SRPX: variants seen among roughly 807,000 people sequenced by gnomAD.
SRPX encodes the protein sushi repeat-containing protein SRPX.
In SRPX, 24 loss-of-function variants were observed where a neutral mutation model predicts 38.1. The observed-to-expected ratio is 0.63, with a 90% CI of 0.46 to 0.89. The LOEUF is 0.89. Among genes scored for constraint, SRPX ranks in the 40% least tolerant of loss-of-function variants. SRPX has a pLI of 0.00. For missense variants in SRPX, 416 were observed against 377.8 expected (o/e 1.10, Z -0.84); for synonymous variants, 184 against 153.8 (o/e 1.20, Z -1.45).
At chrX:38,180,871 C>T (rs988557860) in intron 1 of SRPX, among the ~76,000 whole-genome samples, 1 of 111,513 alleles carries the variant, frequency 9.0e-6, no homozygotes, top group African/African-American at 3.3e-5. Flanking sequence ...GAAGCATAAC[C>T]CCCAAAATGC....
chrX:38,220,585 C>T, intron 1 of SRPX, 111 bp downstream of exon 1: 1 of 1,069,992 alleles, frequency 9.3e-7, no homozygotes, highest in Non-Finnish European at 1.2e-6. Flanking sequence ...GAGTTCTGCG[C>T]AAACAAAGGG....
At chrX:38,188,184 A>G (rs958089718) in intron 1 of SRPX, among the ~76,000 whole-genome samples, 8 of 112,153 alleles carry the variant, frequency 7.1e-5, no homozygotes, top group African/African-American at 2.6e-4. Context: ...CAAATGGAAC[A>G]AAGGGATCCA....
chrX:38,155,047 A>G (rs1475283252), intron 8 of SRPX, among the ~76,000 whole-genome samples: 1 of 110,998 alleles, frequency 9.0e-6, no homozygotes, highest in Non-Finnish European at 1.9e-5. Flanking sequence ...CAAGCCTCTA[A>G]GCTGGCTCTT....
rs1199673277 is a variant in SRPX at position 38,149,504 on chromosome X, A to G, written c.*207T>C. On this transcript the variant is annotated 3_prime_UTR_variant, in exon 10 of 10. Transcript: ENST00000378533. The stretch of plus-strand genomic sequence containing the variant: ...CATGATGGAGTAAAGAAAGTTAGAA[A>G]GAGTAAATATGGTCATATAATTTTT... 2.8e-6 allele frequency: 1 copy of G among 359,287 alleles called. No individual in the cohort carries two copies. Among genetic ancestry groups the G allele is most frequent in the Non-Finnish European group, 4.7e-6 (1 of 214,804 alleles). The allele number at this position is 359,287 out of a possible 1,213,427, so 29.6% of individuals were successfully genotyped here. A position where few individuals can be genotyped will look rare whatever the true frequency, so the allele number is the denominator to read the frequency against.
At chrX:38,194,500 A>G (rs371522472) in intron 1 of SRPX, among the ~76,000 whole-genome samples, 99 of 112,366 alleles carry the variant, frequency 8.8e-4, no homozygotes, top group South Asian at 6.3e-3. Flanking sequence ...ATATGTATGC[A>G]TATTATCCAG....
intron 1 of SRPX, among the ~76,000 whole-genome samples, chrX:38,210,526 C>T (rs773267231): frequency 8.9e-6 from 1 of 112,119 alleles, no homozygotes; most frequent in African/African-American, 3.2e-5. Context: ...ATACCAAGAT[C>T]CTGGCAGGGC....
Position 38,154,474 on chromosome X carries a change from G to C in SRPX, c.1199C>G (p.Ala400Gly). ...AACTTCCCCCTACCTGAGCTGCAGC[G>C]CTAGGGCTGGAGGCATAATCTTTGC... ...IGAKIMPPAL[A>G]LQLRLLLRIP... is the part of the protein sequence containing the mutation. The change falls in exon 9 of 10, where the codon GCG becomes GGG. Residue 400 changes from alanine to glycine, a missense_variant. Physicochemically the swap from Ala to Gly is moderately conservative, Grantham distance 60. Coordinates refer to ENST00000378533, the MANE Select transcript of SRPX (RefSeq NM_006307.5). The C allele has an allele frequency of 8.3e-7, 1 of 1,204,323 alleles. No homozygotes were observed.
At chrX:38,149,943 A>G (rs1263318204) in intron 9 of SRPX, 49 bp from the exon 10 acceptor site, 1 of 1,088,151 alleles carries the variant, frequency 9.2e-7, no homozygotes, top group East Asian at 3.2e-5. Flanking sequence ...ATGACTCCCA[A>G]GGGTCCTGGT....
intron 1 of SRPX, among the ~76,000 whole-genome samples, chrX:38,180,534 A>G (rs1750317991): frequency 8.9e-6 from 1 of 112,180 alleles, no homozygotes; most frequent in African/African-American, 3.2e-5. Flanking sequence ...CCAAGCTAGA[A>G]TCTTCAACTG....
chrX:38,188,761 A>T (rs186191537), intron 1 of SRPX, among the ~76,000 whole-genome samples: 1,338 of 111,911 alleles, frequency 0.012, 30 homozygotes, highest in African/African-American at 0.042. Context: ...CATTATTATT[A>T]ATAGCATTCT....
At chrX:38,150,146 G>A (rs1329799519) in intron 9 of SRPX, among the ~76,000 whole-genome samples, 1 of 112,222 alleles carries the variant, frequency 8.9e-6, no homozygotes, top group African/African-American at 3.2e-5. Flanking sequence ...TTACTATCAA[G>A]ATCCCCAGAT....
At chrX:38,219,069 G>A (rs960894612) in intron 1 of SRPX, among the ~76,000 whole-genome samples, 1 of 111,139 alleles carries the variant, frequency 9.0e-6, no homozygotes, top group Admixed American at 9.6e-5. Flanking sequence ...CCAGGGATAG[G>A]TCCCAAAAGA....
At chrX:38,184,685 G>A (rs766353731) in intron 1 of SRPX, among the ~76,000 whole-genome samples, 2 of 112,217 alleles carry the variant, frequency 1.8e-5, no homozygotes, top group East Asian at 5.6e-4. Context: ...TGGTCTTACA[G>A]CATTCTTTAT....
chrX:38,155,212 A>G (rs1938112351), intron 8 of SRPX, among the ~76,000 whole-genome samples: 1 of 112,440 alleles, frequency 8.9e-6, no homozygotes, highest in African/African-American at 3.2e-5. Context: ...CGAAAACATC[A>G]AATATGTTTT....
intron 1 of SRPX, among the ~76,000 whole-genome samples, chrX:38,209,002 T>TA (rs67504776): frequency 3.6e-3 from 95 of 26,372 alleles, no homozygotes; most frequent in Non-Finnish European, 0.021. Flanking sequence ...ATATATATAT[T>TA]TTTTTTTTGC....
intron 1 of SRPX, among the ~76,000 whole-genome samples, chrX:38,205,084 C>T (rs1204078575): frequency 8.9e-6 from 1 of 112,093 alleles, no homozygotes; most frequent in Middle Eastern, 4.2e-3. Context: ...GGTTACTTAA[C>T]GGCCATGGCT....
Position 38,161,051 on chromosome X carries a change from G to A in SRPX, c.657C>T (p.Val219=). The change falls in exon 6 of 10, where the codon GTC becomes GTT. Residue 219 remains valine (V), a synonymous_variant. Transcript: ENST00000378533. ...AGCCTGGGGGGAGGCCTTTTAGAAT[G>A]ACACTTAGAGAAAAAAAATCAGAAA... is the stretch of plus-strand genomic sequence containing the variant. The part of the protein sequence containing the change: ...RDTADGILTD[V]ILKGLPPGSN... 1.7e-5 allele frequency: 20 copies of A among 1,206,718 alleles called. No homozygotes were observed. Among genetic ancestry groups the A allele is most frequent in the Non-Finnish European group, 1.7e-5 (15 of 894,116 alleles).
intron 4 of SRPX, among the ~76,000 whole-genome samples, chrX:38,167,830 G>A (rs752773638): frequency 2.7e-5 from 3 of 111,324 alleles, no homozygotes; most frequent in East Asian, 5.6e-4. Flanking sequence ...GCACAATATC[G>A]GCTCACTGCA....
chrX:38,194,866 T>TG (rs1938966983), intron 1 of SRPX, among the ~76,000 whole-genome samples: 1 of 78,167 alleles, frequency 1.3e-5, no homozygotes, highest in African/African-American at 5.8e-5. Context: ...GTTTTTGGTT[T>TG]TTTTTTTTTT....
Sources: gnomAD v4.1 joint callset for allele counts (sites outside exome capture counted in the v4.1 genomes callset) on GRCh38, gnomAD v4.1.1 for gene constraint, MANE v1.5 for transcripts, NCBI Gene and HGNC (gene_info 2026-07-23, HGNC 2026-07-21) for gene names.